The following VPS13B variants were observed in gnomAD, a reference collection of about 807,000 sequenced individuals.
VPS13B encodes the protein vacuolar protein sorting 13 homolog B, also known as intermembrane lipid transfer protein VPS13B.
In VPS13B, 285 loss-of-function variants were observed where a neutral mutation model predicts 426.4. That is an observed-to-expected ratio of 0.67 (90% confidence interval 0.61 to 0.74). The LOEUF (loss-of-function observed/expected upper bound fraction) is 0.74. VPS13B is among the 30% of genes least tolerant of loss of function. The pLI is 0.00. For synonymous variants in VPS13B, 1,676 were observed against 1,676.4 expected, an observed-to-expected ratio of 1.00 and a Z score of 0.01; for missense variants, 4,537 against 4,782.6, an observed-to-expected ratio of 0.95 and a Z score of 1.51.
intron 39 of VPS13B, among the ~76,000 whole-genome samples, chr8:99,748,405 G>C (rs1481694441): frequency 6.6e-6 from 1 of 151,972 alleles, no homozygotes; most frequent in Non-Finnish European, 1.5e-5. Context: ...AGGCTTCTTT[G>C]TTCCCTTAGC....
intron 35 of VPS13B, among the ~76,000 whole-genome samples, chr8:99,694,896 C>T (rs1207531252): frequency 6.6e-6 from 1 of 152,086 alleles, no homozygotes; most frequent in African/African-American, 2.4e-5. Context: ...AGGACATGAA[C>T]AGACACTTCT....
At chr8:99,839,178 G>C (rs6984315) in intron 54 of VPS13B, among the ~76,000 whole-genome samples, 1 of 152,084 alleles carries the variant, frequency 6.6e-6, no homozygotes, top group Admixed American at 6.5e-5. Flanking sequence ...CTTCTGAAAA[G>C]ATCCAGTAAA....
chr8:99,349,350 A>AAAAAAAAAAAAAAAAAG (rs1184275418), intron 19 of VPS13B, among the ~76,000 whole-genome samples: 3 of 147,596 alleles, frequency 2.0e-5, no homozygotes, highest in African/African-American at 7.7e-5. Flanking sequence ...AAAAAAAAAA[A>AAAAAAAAAAAAAAAAAG]AAAAAGAAAA....
chr8:99,760,782 T>C (rs1311322643), intron 39 of VPS13B, among the ~76,000 whole-genome samples: 1 of 152,172 alleles, frequency 6.6e-6, no homozygotes, highest in African/African-American at 2.4e-5. Context: ...GAAAAGAAAA[T>C]TGTGCTTCTA....
At chr8:99,364,928 A>T (rs1273242190) in intron 19 of VPS13B, among the ~76,000 whole-genome samples, 2 of 151,994 alleles carry the variant, frequency 1.3e-5, no homozygotes, top group African/African-American at 4.8e-5. Context: ...TTGCTAGGAG[A>T]CTTTTTGTTA....
chr8:99,090,783 C>A (rs899224254), intron 3 of VPS13B, among the ~76,000 whole-genome samples: 1 of 151,970 alleles, frequency 6.6e-6, no homozygotes, highest in Non-Finnish European at 1.5e-5. Flanking sequence ...TGTTCAATAA[C>A]CCAGTTCCCC....
At chr8:99,403,548 C>CA (rs200871879) in intron 21 of VPS13B, among the ~76,000 whole-genome samples, 5,042 of 91,372 alleles carry the variant, frequency 0.055, 122 homozygotes, top group Middle Eastern at 0.097. Flanking sequence ...GACTCTGTCT[C>CA]AAAAAAAAAA....
intron 19 of VPS13B, among the ~76,000 whole-genome samples, chr8:99,306,488 A>G (rs1192007246): frequency 6.6e-6 from 1 of 152,098 alleles, no homozygotes; most frequent in Non-Finnish European, 1.5e-5. Context: ...TGGTCCTGGT[A>G]GTGGGATACT....
intron 24 of VPS13B, among the ~76,000 whole-genome samples, chr8:99,470,192 A>T (rs1445703661): frequency 6.6e-6 from 1 of 152,206 alleles, no homozygotes; most frequent in Admixed American, 6.6e-5. Flanking sequence ...AAGTTGTTAA[A>T]AAGGAAAACA....
chr8:99,673,662 T>C (rs1212759833), intron 35 of VPS13B, among the ~76,000 whole-genome samples: 3 of 152,018 alleles, frequency 2.0e-5, no homozygotes, highest in African/African-American at 7.2e-5. Flanking sequence ...TTGTTTGTTC[T>C]TGTTTTTCTA....
At chr8:99,695,789 C>A (rs902544848) in intron 35 of VPS13B, among the ~76,000 whole-genome samples, 1 of 151,470 alleles carries the variant, frequency 6.6e-6, no homozygotes, top group African/African-American at 2.4e-5. Context: ...GGGATGGGAC[C>A]CTGAGAGAGC....
chr8:99,847,785 CT>C (rs1816057018), intron 54 of VPS13B, among the ~76,000 whole-genome samples: 1 of 152,210 alleles, frequency 6.6e-6, no homozygotes, highest in African/African-American at 2.4e-5. Flanking sequence ...AACTCTCTGG[CT>C]TTCTCCTGTG....
chr8:99,156,152 G>A (rs1054222943), intron 14 of VPS13B, among the ~76,000 whole-genome samples: 1 of 152,060 alleles, frequency 6.6e-6, no homozygotes, highest in Non-Finnish European at 1.5e-5. Flanking sequence ...TAGTTCTTTA[G>A]TCAGCTAAAT....
chr8:99,307,827 A>G (rs1289030309), intron 19 of VPS13B, among the ~76,000 whole-genome samples: 1 of 151,842 alleles, frequency 6.6e-6, no homozygotes, highest in African/African-American at 2.4e-5. Flanking sequence ...TGCTTTTCTA[A>G]TTCCTTGAGG....
At chr8:99,601,956 C>G (rs1827320982) in intron 33 of VPS13B, among the ~76,000 whole-genome samples, 1 of 152,184 alleles carries the variant, frequency 6.6e-6, no homozygotes, top group Non-Finnish European at 1.5e-5. Flanking sequence ...TGCCTGTTCA[C>G]TCTGATGATA....
At chr8:99,632,769 A>G (rs1411779821) in intron 33 of VPS13B, among the ~76,000 whole-genome samples, 1 of 152,024 alleles carries the variant, frequency 6.6e-6, no homozygotes, top group African/African-American at 2.4e-5. Flanking sequence ...AACATATGAC[A>G]GAGAGAGAAT....
intron 19 of VPS13B, among the ~76,000 whole-genome samples, chr8:99,366,478 G>A (rs1812896095): frequency 6.7e-6 from 1 of 149,654 alleles, no homozygotes; most frequent in Admixed American, 6.6e-5. Flanking sequence ...GTGTCTTTAT[G>A]GGTGAAGTGT....
intron 33 of VPS13B, among the ~76,000 whole-genome samples, chr8:99,639,087 G>T (rs1829193352): frequency 6.6e-6 from 1 of 152,122 alleles, no homozygotes. Context: ...GTAACTCTCT[G>T]AAGTAGGAGT....
At chr8:99,500,800 C>A (rs1463678050) in intron 25 of VPS13B, among the ~76,000 whole-genome samples, 2 of 152,170 alleles carry the variant, frequency 1.3e-5, no homozygotes, top group African/African-American at 2.4e-5. Flanking sequence ...TAAAAGAACT[C>A]AACATATCAA....
Sources: allele counts gnomAD v4.1 joint callset (sites outside exome capture counted in the v4.1 genomes callset), GRCh38; gene constraint gnomAD v4.1.1; transcripts MANE v1.5; gene names NCBI Gene and HGNC (gene_info 2026-07-23, HGNC 2026-07-21).